Variants in SYNE1 observed in about 807,000 individuals in gnomAD.
SYNE1 encodes the protein spectrin repeat containing nuclear envelope protein 1.
In SYNE1, 616 loss-of-function variants were observed where a neutral mutation model predicts 1,111.0. The observed-to-expected ratio is 0.55, with a 90% CI of 0.52 to 0.59. The LOEUF (loss-of-function observed/expected upper bound fraction) is 0.59. Among genes scored for constraint, SYNE1 ranks in the 20% least tolerant of loss-of-function variants. SYNE1 has a pLI of 0.00. For synonymous variants in SYNE1, 3,855 were observed against 3,825.8 expected (o/e 1.01, Z -0.28); for missense variants, 10,006 against 10,417.0 (o/e 0.96, Z 1.72).
intron 3 of SYNE1, among the ~76,000 whole-genome samples, chr6:152,561,408 C>G (rs2099394860): frequency 6.6e-6 from 1 of 151,880 alleles, no homozygotes; most frequent in Non-Finnish European, 1.5e-5. Context: ...AACAATAAAG[C>G]ATTGATGCAA....
At chr6:152,318,316 C>T in intron 85 of SYNE1, 53 bp from the exon 86 acceptor site, 1 of 1,600,628 alleles carries the variant, frequency 6.2e-7, no homozygotes, top group South Asian at 1.1e-5. Flanking sequence ...TAAATTTCTC[C>T]AGGTTTCCCG....
At position 152,325,235 on chromosome 6, in the gene SYNE1, A is replaced by G; in HGVS notation, c.15506T>C (p.Leu5169Pro). The change falls in exon 81 of 146, where the codon CTG becomes CCG. Residue 5169 changes from leucine (L) to proline (P), a missense_variant. Leu to Pro is a moderately conservative substitution (Grantham distance 98). Transcript: ENST00000367255. ...IVALEEKASQ[L>P]EKTGNDASKA... ...GCTGGCATCATTTCCGGTTTTCTCC[A>G]GTTGTGAAGCTTTTTCCTCAAGGGC... 6.2e-7 allele frequency: 1 copy of G among 1,614,150 alleles called. No individual in the cohort carries two copies. The highest frequency in any genetic ancestry group is 8.5e-7 in the Non-Finnish European group (1 of 1,180,038).
chr6:152,420,943 T>C (rs1471225396), intron 39 of SYNE1, among the ~76,000 whole-genome samples: 3 of 152,242 alleles, frequency 2.0e-5, no homozygotes, highest in Admixed American at 6.5e-5. Context: ...TCTTAATGTA[T>C]GGTAATATAG....
chr6:152,439,137 T>C (rs1019844828), intron 32 of SYNE1, among the ~76,000 whole-genome samples: 1 of 152,202 alleles, frequency 6.6e-6, no homozygotes, highest in South Asian at 2.1e-4. Flanking sequence ...GTTTGATAAA[T>C]GTCACCTCAT....
At position 152,239,679 on chromosome 6, in the gene SYNE1, T is replaced by C; in HGVS notation, c.19921A>G (p.Met6641Val). The C allele has an allele frequency of 6.2e-7, 1 of 1,614,196 alleles. No individual in the cohort carries two copies. Among genetic ancestry groups the C allele is most frequent in the Non-Finnish European group, 8.5e-7 (1 of 1,180,036 alleles). ...KEYFQGLESH[M>V]ILTETLFRKI... ...CTGAAGAGTGTTTCAGTCAAGATCA[T>C]ATGAGATTCCAGGCCCTGAAAGTAT... is the stretch of plus-strand genomic sequence containing the variant. The change falls in exon 108 of 146, where the codon ATG becomes GTG. Residue 6641 changes from methionine to valine, a missense_variant. By Grantham distance (21) the Met-to-Val change is conservative. This residue lies in a region of SYNE1 where 2,182 missense variants were observed against 2,287.8 expected (regional missense o/e 0.95). Coordinates refer to ENST00000367255, the MANE Select transcript of SYNE1 (RefSeq NM_182961.4).
At chr6:152,188,486 T>C (rs2070920511) in intron 128 of SYNE1, among the ~76,000 whole-genome samples, 1 of 152,140 alleles carries the variant, frequency 6.6e-6, no homozygotes, top group South Asian at 2.1e-4. Flanking sequence ...AATAAATGAA[T>C]ATAAATTACC....
intron 14 of SYNE1, among the ~76,000 whole-genome samples, chr6:152,479,805 T>A (rs1327208766): frequency 6.6e-6 from 1 of 152,206 alleles, no homozygotes; most frequent in African/African-American, 2.4e-5. Flanking sequence ...CATATATACA[T>A]ATATACGTTA....
chr6:152,493,664 C>T (rs111321798), intron 11 of SYNE1, among the ~76,000 whole-genome samples: 8 of 152,276 alleles, frequency 5.3e-5, no homozygotes, highest in Non-Finnish European at 7.4e-5. Flanking sequence ...GCAACTCCCC[C>T]GTCAAAGGCC....
intron 3 of SYNE1, among the ~76,000 whole-genome samples, chr6:152,596,662 T>C (rs933112244): frequency 2.0e-5 from 3 of 152,176 alleles, no homozygotes; most frequent in African/African-American, 7.2e-5. Context: ...AAGGTAAGTA[T>C]TGTACGTAAG....
At chr6:152,538,132 C>T (rs1234442199) in intron 4 of SYNE1, among the ~76,000 whole-genome samples, 1 of 152,076 alleles carries the variant, frequency 6.6e-6, no homozygotes, top group Non-Finnish European at 1.5e-5. Flanking sequence ...AATGGGGATT[C>T]TTAGAAGATC....
At chr6:152,503,327 C>CAAATTCCAAAG (rs2154328786) in intron 9 of SYNE1, among the ~76,000 whole-genome samples, 1 of 152,308 alleles carries the variant, frequency 6.6e-6, no homozygotes, top group South Asian at 2.1e-4. Flanking sequence ...CTCCAAATTA[C>CAAATTCCAAAG]AGTGCTTTGA....
chr6:152,572,989 C>A (rs145116074), intron 3 of SYNE1, among the ~76,000 whole-genome samples: 5 of 152,184 alleles, frequency 3.3e-5, no homozygotes, highest in Non-Finnish European at 7.4e-5. Context: ...CTGGGAATGT[C>A]TATTTGACAT....
intron 117 of SYNE1, 24 bp downstream of exon 117, chr6:152,224,470 G>A (rs2080992170): frequency 6.2e-7 from 1 of 1,608,794 alleles, no homozygotes; most frequent in Non-Finnish European, 8.5e-7. Context: ...TGAACGTTAA[G>A]GATGTGTTAA....
chr6:152,373,594 A>C (rs2097226515), intron 58 of SYNE1, among the ~76,000 whole-genome samples: 1 of 152,140 alleles, frequency 6.6e-6, no homozygotes, highest in Admixed American at 6.6e-5. Context: ...TTATTTCTTA[A>C]TAAAGTCAAA....
At chr6:152,179,158 G>C (rs1044794145) in intron 129 of SYNE1, among the ~76,000 whole-genome samples, 29 of 151,974 alleles carry the variant, frequency 1.9e-4, no homozygotes, top group Non-Finnish European at 4.3e-4. Context: ...CTGGTGATCT[G>C]CCTGTCTCAC....
rs1333974118 is a variant in SYNE1, at chr6:152,606,976, CTCTTTT to C, written c.67+21283_67+21288del. 1.1e-3 allele frequency among the ~76,000 whole-genome samples: 116 copies of C among 109,134 alleles called. 2 individuals are homozygous for C. Among genetic ancestry groups the C allele is most frequent in the African/African-American group, 4.2e-3 (113 of 26,812 alleles). 71.6% of individuals were successfully genotyped at this position (109,134 alleles called of 152,430 possible). A position where few individuals can be genotyped will look rare whatever the true frequency, so the allele number is the denominator to read the frequency against. Reference sequence around the variant, plus strand: ...GCAAAAGGAAAGGCATGCCTCGGTTCTCTTTTTTTTTTTTTTTTTTTTTTTTGAGAC... The same window carrying C: ...GCAAAAGGAAAGGCATGCCTCGGTTCTTTTTTTTTTTTTTTTTTTTGAGAC... On this transcript the variant is annotated intron_variant, in intron 3 of 145. Coordinates refer to ENST00000367255, the MANE Select transcript of SYNE1 (RefSeq NM_182961.4).
At chr6:152,495,013 C>A (rs1319942339) in intron 11 of SYNE1, among the ~76,000 whole-genome samples, 2 of 152,222 alleles carry the variant, frequency 1.3e-5, no homozygotes, top group Non-Finnish European at 2.9e-5. Context: ...GAAAATTCCT[C>A]CTTCCAGCCT....
intron 3 of SYNE1, among the ~76,000 whole-genome samples, chr6:152,611,122 C>T (rs1180036083): frequency 6.6e-6 from 1 of 152,144 alleles, no homozygotes; most frequent in Non-Finnish European, 1.5e-5. Context: ...ATCATAATGA[C>T]ATGATCAAAT....
intron 91 of SYNE1, among the ~76,000 whole-genome samples, chr6:152,304,902 A>G (rs893158585): frequency 1.3e-5 from 2 of 152,206 alleles, no homozygotes; most frequent in African/African-American, 4.8e-5. Flanking sequence ...TGTGACTCCA[A>G]TGCACGTGAC....
Sources: gnomAD v4.1 joint callset for allele counts (sites outside exome capture counted in the v4.1 genomes callset) on GRCh38, gnomAD v4.1.1 for gene constraint, gnomAD v4.1.1 regional missense constraint, MANE v1.5 for transcripts, NCBI Gene and HGNC (gene_info 2026-07-23, HGNC 2026-07-21) for gene names.